Variants in HGF observed in about 807,000 individuals in gnomAD.
The protein encoded by HGF is hepatocyte growth factor.
In HGF, 39 loss-of-function variants were observed where a neutral mutation model predicts 111.6. That is an observed-to-expected ratio of 0.35 (90% CI 0.27 to 0.46). The LOEUF is 0.46. Ranked by LOEUF, HGF falls within the 20% of genes least tolerant of loss-of-function variation. The pLI, the probability that HGF is intolerant of heterozygous loss-of-function variation, is 1.00. For missense variants in HGF, 735 were observed against 910.5 expected (o/e 0.81, Z 2.48); for synonymous variants, 285 against 294.8 (o/e 0.97, Z 0.34).
chr7:81,721,203 C>G (rs559422851), intron 9 of HGF, among the ~76,000 whole-genome samples: 154 of 152,016 alleles, frequency 1.0e-3, no homozygotes, highest in Admixed American at 1.8e-3. Context: ...GCCGAGATGG[C>G]GCCACTGCAC....
At chr7:81,706,011 A>C (rs1347436931) in intron 15 of HGF, among the ~76,000 whole-genome samples, 1 of 151,972 alleles carries the variant, frequency 6.6e-6, no homozygotes, top group African/African-American at 2.4e-5. Flanking sequence ...TTTACATTTG[A>C]AAGTTATCAA....
At chr7:81,768,202 T>A (rs1057087190) in intron 1 of HGF, among the ~76,000 whole-genome samples, 1 of 152,208 alleles carries the variant, frequency 6.6e-6, no homozygotes, top group African/African-American at 2.4e-5. Flanking sequence ...ACGGTTGATC[T>A]ACTGTTTGGG....
At chr7:81,768,294 C>A (rs774094157) in intron 1 of HGF, among the ~76,000 whole-genome samples, 15 of 152,268 alleles carry the variant, frequency 9.9e-5, no homozygotes, top group Non-Finnish European at 2.1e-4. Context: ...ACATTTTAAT[C>A]TTTAAAAATG....
intron 13 of HGF, among the ~76,000 whole-genome samples, chr7:81,708,005 TGAG>T (rs1461983690): frequency 6.6e-6 from 1 of 152,154 alleles, no homozygotes; most frequent in African/African-American, 2.4e-5. Context: ...CAGAGTATGA[TGAG>T]TACTAGTACA....
intron 13 of HGF, among the ~76,000 whole-genome samples, chr7:81,709,520 C>T (rs1248666888): frequency 6.6e-6 from 1 of 152,038 alleles, no homozygotes; most frequent in African/African-American, 2.4e-5. Context: ...ATAATTTTCT[C>T]TAACAATATG....
chr7:81,721,166 G>C (rs577651435), intron 9 of HGF, among the ~76,000 whole-genome samples: 1 of 152,140 alleles, frequency 6.6e-6, no homozygotes, highest in African/African-American at 2.4e-5. Flanking sequence ...AGAATGGCGT[G>C]AACCCGGGAG....
chr7:81,753,084 T>G (rs1218083596), intron 4 of HGF, among the ~76,000 whole-genome samples: 3 of 152,090 alleles, frequency 2.0e-5, no homozygotes, highest in Non-Finnish European at 2.9e-5. Context: ...GTGATCCCAG[T>G]TTTGGTTTAT....
chr7:81,746,542 T>A (rs1256109365), intron 5 of HGF, among the ~76,000 whole-genome samples: 2 of 152,200 alleles, frequency 1.3e-5, no homozygotes, highest in Non-Finnish European at 2.9e-5. Context: ...TTTATCGTTA[T>A]TTGTTCCTTC....
chr7:81,718,482 G>T (rs537038177), intron 10 of HGF, among the ~76,000 whole-genome samples: 1 of 152,266 alleles, frequency 6.6e-6, no homozygotes, highest in South Asian at 2.1e-4. Flanking sequence ...GCTCAAAACC[G>T]CCATGCTCTG....
At position 81,751,916 on chromosome 7, in the gene HGF, C is replaced by T. The variant is rs1007090576; in HGVS notation, c.625+204G>A. 6.5e-6 allele frequency: 9 copies of T among 1,395,004 alleles called. No individual in the cohort carries two copies. The African/African-American group carries it at 7.3e-5, about 11-fold the overall frequency. 86.4% of individuals were successfully genotyped at this position (1,395,004 alleles called of 1,614,324 possible). On this transcript the variant is annotated intron_variant, in intron 5 of 17. Transcript: ENST00000222390. ...AGTGTTGAAATTCAAACTGATAACT[C>T]GCTCTGTTATTTTGCATTAATCTGG...
chr7:81,750,036 A>G (rs1788427540), intron 5 of HGF, among the ~76,000 whole-genome samples: 1 of 152,164 alleles, frequency 6.6e-6, no homozygotes, highest in Non-Finnish European at 1.5e-5. Context: ...ATCCATGGAT[A>G]GAAATGGCCC....
chr7:81,744,257 C>T lies in HGF; in HGVS notation c.746+743G>A, dbSNP rs758643727. Among the ~76,000 whole-genome samples the T allele has an allele frequency of 2.0e-5, 3 of 150,722 alleles. No individual in the cohort carries two copies. In the South Asian group the frequency reaches 6.3e-4, roughly 32 times the overall value. On this transcript the variant is annotated intron_variant, in intron 6 of 17. Coordinates refer to ENST00000222390, the MANE Select transcript of HGF (RefSeq NM_000601.6). ...ATAAATGAACTTCTTCCTTTTTTTT[C>T]CACCTTAAAAGTTTCATGTAAAATA...
intron 7 of HGF, chr7:81,736,654 T>C (rs1787834504): frequency 4.5e-6 from 2 of 442,392 alleles, no homozygotes; most frequent in East Asian, 6.9e-5. Context: ...TAAAATTTTT[T>C]GAAAGCAGAA....
chr7:81,702,821 T>G, intron 17 of HGF, 64 bp from the exon 18 acceptor site: 1 of 1,329,376 alleles, frequency 7.5e-7, no homozygotes, highest in Non-Finnish European at 1.1e-6. Context: ...ATTAACATAA[T>G]CATATATAGA....
chr7:81,762,702 C>CT lies in HGF; in HGVS notation c.254+4dup. On this transcript the variant is annotated splice_donor_region_variant and intron_variant, in intron 2 of 17. Coordinates refer to ENST00000222390, the MANE Select transcript of HGF (RefSeq NM_000601.6). ...TTATTCTAAGAAGAAAATGAAGTAA[C>CT]TTACTTGCAAGTGAATGGAAGTCCT... is the stretch of plus-strand genomic sequence containing the variant. 2 of 1,598,748 alleles carry CT rather than the reference C, an allele frequency of 1.3e-6. No individual in the cohort carries two copies. Among genetic ancestry groups the CT allele is most frequent in the South Asian group, 2.2e-5 (2 of 90,774 alleles).
chr7:81,756,098 C>T (rs903082089), intron 4 of HGF: 25 of 699,572 alleles, frequency 3.6e-5, no homozygotes, highest in Non-Finnish European at 5.5e-5. Context: ...GTTCTACTGA[C>T]CGGCCAAATG....
chr7:81,713,400 C>T (rs1789624006), intron 11 of HGF, among the ~76,000 whole-genome samples: 1 of 151,966 alleles, frequency 6.6e-6, no homozygotes, highest in Admixed American at 6.6e-5. Flanking sequence ...GTGGCAGACA[C>T]CTGTAATCCC....
At chr7:81,732,750 G>C (rs1787707536) in intron 7 of HGF, among the ~76,000 whole-genome samples, 1 of 152,008 alleles carries the variant, frequency 6.6e-6, no homozygotes, top group African/African-American at 2.4e-5. Context: ...AATATTAAGA[G>C]GAATGATAAA....
intron 7 of HGF, among the ~76,000 whole-genome samples, chr7:81,736,072 T>G (rs1787814515): frequency 6.6e-6 from 1 of 152,022 alleles, no homozygotes; most frequent in South Asian, 2.1e-4. Context: ...GAGCAATACC[T>G]CGAATAGACA....
Sources: allele counts gnomAD v4.1 joint callset (sites outside exome capture counted in the v4.1 genomes callset), GRCh38; gene constraint gnomAD v4.1.1; transcripts MANE v1.5; gene names NCBI Gene and HGNC (gene_info 2026-07-23, HGNC 2026-07-21).